RASEF: variants seen among roughly 807,000 people sequenced by gnomAD.
RASEF encodes the protein RAS and EF-hand domain containing, also known as ras and EF-hand domain-containing protein.
A neutral mutation model predicts 90.1 loss-of-function variants in RASEF; 68 were observed. The ratio of observed to expected loss-of-function variants is 0.75; its 90% CI spans 0.62 to 0.92. The LOEUF (loss-of-function observed/expected upper bound fraction) is 0.92. RASEF is among the 40% of genes least tolerant of loss of function. The pLI, the probability that RASEF is intolerant of heterozygous loss-of-function variation, is 0.00. For synonymous variants in RASEF, 331 were observed against 345.2 expected (o/e 0.96, Z 0.46); for missense variants, 949 against 937.2 (o/e 1.01, Z -0.16).
At chr9:83,059,146 T>C (rs1051968693) in intron 1 of RASEF, among the ~76,000 whole-genome samples, 3 of 152,070 alleles carry the variant, frequency 2.0e-5, no homozygotes, top group East Asian at 3.9e-4. Context: ...ATGAATCAAT[T>C]CACAGATAAC....
chr9:83,110,302 C>G, the RASEF span, among the ~76,000 whole-genome samples: 1 of 152,158 alleles, frequency 6.6e-6, no homozygotes, highest in Non-Finnish European at 1.5e-5. Context: ...CCTAGTGGTT[C>G]TTATCACCCC....
chr9:83,163,241 C>T, the RASEF span, among the ~76,000 whole-genome samples: 1 of 152,172 alleles, frequency 6.6e-6, no homozygotes, highest in East Asian at 1.9e-4. Context: ...CAATAAAGCA[C>T]TTATCCCCCA....
chr9:83,209,177 G>A, the RASEF span, among the ~76,000 whole-genome samples: 6 of 152,180 alleles, frequency 3.9e-5, no homozygotes, highest in African/African-American at 7.2e-5. Context: ...ATGAGGTAAC[G>A]CCTGAAGGCC....
chr9:83,189,762 G>T, the RASEF span, among the ~76,000 whole-genome samples: 1 of 152,304 alleles, frequency 6.6e-6, no homozygotes, highest in Non-Finnish European at 1.5e-5. Context: ...CCAGGATCCT[G>T]TATGTTAATG....
intron 1 of RASEF, chr9:83,048,495 T>A (rs1437884646): frequency 1.0e-6 from 1 of 984,996 alleles, no homozygotes; most frequent in Non-Finnish European, 1.2e-6. Flanking sequence ...TTCTAAGTAC[T>A]CAGTGCCTCG....
the RASEF span, among the ~76,000 whole-genome samples, chr9:83,128,540 C>A: frequency 1.3e-5 from 2 of 151,824 alleles, no homozygotes; most frequent in African/African-American, 4.8e-5. Flanking sequence ...AACCCTGGAC[C>A]CAGACACACT....
Position 83,004,498 on chromosome 9 carries a change from C to T in RASEF, c.1202G>A (p.Arg401Lys), listed in dbSNP as rs1192078372. Residue 401 changes from arginine (R) to lysine (K), a missense_variant and splice_region_variant, in exon 9 of 17, where the codon AGG (arginine) becomes AAG (lysine). By Grantham distance (26) the Arg-to-Lys change is conservative (BLOSUM62 2). This residue lies in a region of RASEF where 656 missense variants were observed against 592.2 expected (regional missense o/e 1.11). Transcript: ENST00000376447. ...GHSPQPLGYD[R>K]SSRSSYVDED... ...AGAAAGTTAAGACGAGTTAACATACCTGTCATAGCCTAGAGGTTGAGGGGA... is the reference window on the plus strand; with the variant it reads ...AGAAAGTTAAGACGAGTTAACATACTTGTCATAGCCTAGAGGTTGAGGGGA... 2 of 1,575,188 alleles carry T rather than the reference C, an allele frequency of 1.3e-6. No individual in the cohort carries two copies. Among genetic ancestry groups the T allele is most frequent in the South Asian group, 1.1e-5 (1 of 90,136 alleles).
At chr9:83,108,520 T>C in the RASEF span, among the ~76,000 whole-genome samples, 6 of 152,174 alleles carry the variant, frequency 3.9e-5, no homozygotes, top group African/African-American at 1.4e-4. Context: ...CAGAATTTTT[T>C]TGTGGGGGTT....
At chr9:83,046,360 T>C (rs1292288038) in intron 1 of RASEF, among the ~76,000 whole-genome samples, 2 of 152,188 alleles carry the variant, frequency 1.3e-5, no homozygotes, top group African/African-American at 4.8e-5. Flanking sequence ...AGTATAGATA[T>C]CGAGTTGTCT....
chr9:83,021,770 T>C (rs960579045), intron 3 of RASEF, among the ~76,000 whole-genome samples: 1 of 152,208 alleles, frequency 6.6e-6, no homozygotes, highest in Non-Finnish European at 1.5e-5. Flanking sequence ...TGTATGTAAA[T>C]ATACACCATT....
At chr9:83,040,274 C>T (rs1829814283) in intron 1 of RASEF, among the ~76,000 whole-genome samples, 1 of 152,184 alleles carries the variant, frequency 6.6e-6, no homozygotes, top group African/African-American at 2.4e-5. Flanking sequence ...GCAATCTCAA[C>T]ATCAGCTGAA....
chr9:83,063,713 T>A (rs1001628913), upstream of RASEF, among the ~76,000 whole-genome samples: 4 of 152,216 alleles, frequency 2.6e-5, no homozygotes, highest in African/African-American at 9.6e-5. Context: ...CAGCATTGTT[T>A]AAACAAAGAC....
Position 83,001,029 on chromosome 9 carries a change from C to T in RASEF, c.1304G>A (p.Cys435Tyr), listed in dbSNP as rs1255445321. The T allele has an allele frequency of 1.2e-6, 2 of 1,614,188 alleles. No individual in the cohort carries two copies. Among genetic ancestry groups the T allele is most frequent in the East Asian group, 2.2e-5 (1 of 44,872 alleles). ...NCEVDSLPESCFDSGLSTLRD... is the reference protein window; with the variant it reads ...NCEVDSLPESYFDSGLSTLRD... ...CAAGGTAGACAAGCCGCTGTCGAAG[C>T]AGCTTTCAGGCAGGCTGTCAACTTC... Residue 435 changes from cysteine (C) to tyrosine (Y), a missense_variant, in exon 10 of 17, where the codon TGC becomes TAC. Transcript: ENST00000376447.
chr9:83,214,368 G>A, the RASEF span, among the ~76,000 whole-genome samples: 3 of 152,128 alleles, frequency 2.0e-5, no homozygotes, highest in East Asian at 5.8e-4. Context: ...CTGGGCAACA[G>A]AGCAAGACTC....
chr9:83,147,449 C>G, the RASEF span, among the ~76,000 whole-genome samples: 1 of 152,082 alleles, frequency 6.6e-6, no homozygotes, highest in African/African-American at 2.4e-5. Context: ...GTTCCCTGAC[C>G]CCCTTACAGA....
chr9:83,162,282 T>C, the RASEF span, among the ~76,000 whole-genome samples: 13 of 152,134 alleles, frequency 8.5e-5, no homozygotes, highest in African/African-American at 3.1e-4. Context: ...AAAATGAAGC[T>C]TTGAAGAAGA....
chr9:83,218,138 T>C, the RASEF span, among the ~76,000 whole-genome samples: 1 of 152,162 alleles, frequency 6.6e-6, no homozygotes, highest in African/African-American at 2.4e-5. Flanking sequence ...GCTAGATTAA[T>C]AGGAGTGGGT....
At chr9:83,159,582 C>T in the RASEF span, among the ~76,000 whole-genome samples, 1 of 152,152 alleles carries the variant, frequency 6.6e-6, no homozygotes, top group Non-Finnish European at 1.5e-5. Flanking sequence ...GAAATGTCAA[C>T]TTATTGTAAG....
At chr9:83,000,725 T>C (rs1215408018) in intron 10 of RASEF, among the ~76,000 whole-genome samples, 155 bp from the exon 11 acceptor site, 1 of 152,230 alleles carries the variant, frequency 6.6e-6, no homozygotes, top group Admixed American at 6.5e-5. Flanking sequence ...TGACACTGAA[T>C]GGCAATCTAT....
Sources: gnomAD v4.1 joint callset for allele counts (sites outside exome capture counted in the v4.1 genomes callset) on GRCh38, gnomAD v4.1.1 for gene constraint, gnomAD v4.1.1 regional missense constraint, MANE v1.5 for transcripts, NCBI Gene and HGNC (gene_info 2026-07-23, HGNC 2026-07-21) for gene names.